GPR107: variants seen among roughly 807,000 people sequenced by gnomAD.
The protein encoded by GPR107 is protein GPR107.
Under a neutral mutation model 75.5 loss-of-function variants are expected in GPR107, and 31 were observed. That is an observed-to-expected ratio of 0.41 (90% CI 0.31 to 0.55). The LOEUF is 0.55. GPR107 is among the 20% of genes least tolerant of loss of function. GPR107 has a pLI of 0.26. For missense variants in GPR107, 572 were observed against 665.7 expected (o/e 0.86, Z 1.55); for synonymous variants, 267 against 251.3 (o/e 1.06, Z -0.59).
At chr9:130,054,934 T>G (rs1829714813) in intron 1 of GPR107, among the ~76,000 whole-genome samples, 1 of 151,904 alleles carries the variant, frequency 6.6e-6, no homozygotes, top group Non-Finnish European at 1.5e-5. Context: ...TACAAAAAAT[T>G]AAAAATTAAC....
intron 1 of GPR107, among the ~76,000 whole-genome samples, chr9:130,073,187 G>A (rs927440785): frequency 6.6e-6 from 1 of 152,136 alleles, no homozygotes; most frequent in Non-Finnish European, 1.5e-5. Context: ...GTTTTATGTG[G>A]CAGAAATTGT....
At chr9:130,102,429 C>A (rs1418055412) in intron 12 of GPR107, among the ~76,000 whole-genome samples, 12 of 152,214 alleles carry the variant, frequency 7.9e-5, no homozygotes, top group Admixed American at 7.9e-4. Context: ...TGGGGCATAG[C>A]CTTCCAGGAA....
At position 130,107,641 on chromosome 9, in the gene GPR107, T is replaced by A; in HGVS notation, c.1306+102T>A. The A allele has an allele frequency of 6.0e-6, 5 of 835,694 alleles. No individual in the cohort carries two copies. The South Asian group carries it at 6.6e-5, about 11-fold the overall frequency. The allele number at this position is 835,694 out of a possible 1,614,324, so 51.8% of individuals were successfully genotyped here. A position where few individuals can be genotyped will look rare whatever the true frequency, so the allele number is the denominator to read the frequency against. On this transcript the variant is annotated intron_variant, in intron 14 of 17. Transcript: ENST00000347136. ...GGCAGCCTATGGTGTCAAGATGCTG[T>A]CTTCCTGGGAGGAGAGCTAGGGGAG...
intron 14 of GPR107, among the ~76,000 whole-genome samples, chr9:130,116,197 G>A (rs949430819): frequency 6.6e-6 from 1 of 152,136 alleles, no homozygotes; most frequent in African/African-American, 2.4e-5. Flanking sequence ...TGGGAATCTA[G>A]AACTTCAGGG....
rs151011780 is a variant in GPR107, at chr9:130,105,569, A to C, written c.1262+1019A>C. ...ACCGCAGCTGGCTGAGGTGCTTCTT[A>C]TTGCAATGCCCCATCCAGTAAATTA... On this transcript the variant is annotated intron_variant, in intron 13 of 17. Coordinates refer to ENST00000347136, the MANE Select transcript of GPR107 (RefSeq NM_020960.5). 5.3e-3 allele frequency among the ~76,000 whole-genome samples: 798 copies of C among 150,034 alleles called. 7 individuals carry two copies. Among genetic ancestry groups the C allele is most frequent in the African/African-American group, 0.019 (762 of 40,842 alleles).
Position 130,053,989 on chromosome 9 carries a change from G to C in GPR107, c.57G>C (p.Ala19=), listed in dbSNP as rs994467318. The part of the protein sequence containing the change: ...SPASRGPRLA[A]GLRLLPMLGL... ...CCTCCCGCGGTCCTAGGCTGGCCGC[G>C]GGCCTCCGGCTGCTCCCAATGCTGG... The change falls in exon 1 of 18, where the codon GCG becomes GCC. Residue 19 remains alanine (A), a synonymous_variant. Coordinates refer to ENST00000347136, the MANE Select transcript of GPR107 (RefSeq NM_020960.5). 2 of 1,553,026 alleles carry C rather than the reference G, an allele frequency of 1.3e-6. No homozygotes were observed. Among genetic ancestry groups the C allele is most frequent in the African/African-American group, 2.7e-5 (2 of 73,240 alleles).
rs1204270335 is a variant in GPR107 at position 130,072,223 on chromosome 9, A to AT, written c.142-3398dup. ...ATTTATTTATTTTTTTATTTATTTA[A>AT]TTTTTTTTTTTTTTTGAGATGGAGT... On this transcript the variant is annotated intron_variant, in intron 1 of 17. Transcript: ENST00000347136. Among the ~76,000 whole-genome samples the AT allele has an allele frequency of 2.7e-3, 358 of 135,008 alleles. 5 individuals are homozygous for AT. The highest frequency in any genetic ancestry group is 0.026 in the East Asian group (124 of 4,706). 88.6% of individuals were successfully genotyped at this position (135,008 alleles called of 152,430 possible). A position where few individuals can be genotyped will look rare whatever the true frequency, so the allele number is the denominator to read the frequency against.
intron 13 of GPR107, among the ~76,000 whole-genome samples, 175 bp from the exon 14 acceptor site, chr9:130,107,321 G>C (rs548503672): frequency 6.6e-6 from 1 of 152,168 alleles, no homozygotes; most frequent in Non-Finnish European, 1.5e-5. Context: ...CCTCAGACGT[G>C]TTGATATCAA....
rs1588092584 is a variant in GPR107, at chr9:130,138,495, T to G, written c.*3374T>G. On this transcript the variant is annotated 3_prime_UTR_variant, in exon 18 of 18. Transcript: ENST00000347136. Reference sequence around the variant, plus strand: ...CTGCCCTCGCCCTTACCCCTCCCCCTTCCCCTTCCGCTCCTCCTCCCTCCT... The same window carrying G: ...CTGCCCTCGCCCTTACCCCTCCCCCGTCCCCTTCCGCTCCTCCTCCCTCCT... The G allele has an allele frequency of 1.2e-5, 1 of 81,748 alleles. No individual in the cohort carries two copies. Among genetic ancestry groups the G allele is most frequent in the South Asian group, 4.6e-4 (1 of 2,154 alleles). 5.1% of individuals were successfully genotyped at this position (81,748 alleles called of 1,614,324 possible). A position where few individuals can be genotyped will look rare whatever the true frequency, so the allele number is the denominator to read the frequency against.
At chr9:130,085,754 A>ATTTTTTGTTTTTTTTTTTTTTTTTTTT (rs1830598517) in intron 6 of GPR107, among the ~76,000 whole-genome samples, 4 of 78,674 alleles carry the variant, frequency 5.1e-5, no homozygotes, top group Non-Finnish European at 7.1e-5. Context: ...CAATATTTTG[A>ATTTTTTGTTTTTTTTTTTTTTTTTTTT]TTTTTTTTTT....
At chr9:130,114,562 T>A in intron 14 of GPR107, 1 of 442,336 alleles carries the variant, frequency 2.3e-6, no homozygotes, top group Non-Finnish European at 4.4e-6. Context: ...TTTAAAATTT[T>A]TTTTGTGGAG....
intron 12 of GPR107, among the ~76,000 whole-genome samples, chr9:130,102,396 C>G (rs867299203): frequency 2.0e-5 from 3 of 152,180 alleles, no homozygotes; most frequent in South Asian, 2.1e-4. Flanking sequence ...AGTCTCCCCC[C>G]ACCAGCCTGA....
chr9:130,082,474 CTTTTTTTTTTTTTTT>C (rs6151190), intron 5 of GPR107, among the ~76,000 whole-genome samples: 1 of 126,246 alleles, frequency 7.9e-6, no homozygotes, highest in Non-Finnish European at 1.7e-5. Flanking sequence ...AAAAGAATAT[CTTTTTTTTTTTTTTT>C]TTTTTTTTTA....
At chr9:130,104,636 G>A in intron 13 of GPR107, 86 bp downstream of exon 13, 2 of 1,095,444 alleles carry the variant, frequency 1.8e-6, no homozygotes, top group South Asian at 2.6e-5. Flanking sequence ...ACTGATCTCA[G>A]TCACATGGGA....
Position 130,135,282 on chromosome 9 carries a change from C to T in GPR107, c.*161C>T, listed in dbSNP as rs1554899788. ...AGTGCCGCGGAAACCTGATTTTGTA[C>T]TCTCTTTTATGGAAACGATCTGTGG... On this transcript the variant is annotated 3_prime_UTR_variant, in exon 18 of 18. Transcript: ENST00000347136. 50 of 530,496 alleles carry T rather than the reference C, an allele frequency of 9.4e-5. No individual in the cohort carries two copies. The highest frequency in any genetic ancestry group is 4.0e-5 in the Non-Finnish European group (12 of 302,234). 32.9% of individuals were successfully genotyped at this position (530,496 alleles called of 1,614,324 possible).
In GPR107 at chr9:130,100,859, C is replaced by T. The variant is rs1831011434; in HGVS notation, c.1013+157C>T. On this transcript the variant is annotated intron_variant, in intron 11 of 17. Transcript: ENST00000347136. ...GGAGTGTAGCTCATGGGTGGCTGTC[C>T]AGACTTGGGAAGTCGGGCTTAGTGG... is the stretch of plus-strand genomic sequence containing the variant. 2.0e-5 allele frequency among the ~76,000 whole-genome samples: 3 copies of T among 152,242 alleles called. No individual in the cohort carries two copies. In the South Asian group the frequency reaches 6.2e-4, roughly 32 times the overall value.
chr9:130,127,468 T>G lies in GPR107; in HGVS notation c.1357-15T>G, dbSNP rs111474592. 7.1e-7 allele frequency: 1 copy of G among 1,412,046 alleles called. No individual in the cohort carries two copies. Among genetic ancestry groups the G allele is most frequent in the African/African-American group, 1.4e-5 (1 of 71,090 alleles). The allele number at this position is 1,412,046 out of a possible 1,614,324, so 87.5% of individuals were successfully genotyped here. ...AATGTTGATCTGATTTCCTGTTTCT[T>G]TCCTCCTCATGCAGATTGTGTGTTA... On this transcript the variant is annotated splice_polypyrimidine_tract_variant and intron_variant, in intron 15 of 17. Coordinates refer to ENST00000347136, the MANE Select transcript of GPR107 (RefSeq NM_020960.5).
At chr9:130,116,694 C>G (rs1390658139) in intron 14 of GPR107, among the ~76,000 whole-genome samples, 1 of 152,026 alleles carries the variant, frequency 6.6e-6, no homozygotes, top group Non-Finnish European at 1.5e-5. Flanking sequence ...CATTATGGCT[C>G]TAGAATCGAA....
At chr9:130,068,010 G>C (rs1369313421) in intron 1 of GPR107, among the ~76,000 whole-genome samples, 3 of 151,322 alleles carry the variant, frequency 2.0e-5, no homozygotes, top group Non-Finnish European at 1.5e-5. Context: ...AAAGTGCTGG[G>C]ATTACAGGTG....
Sources: allele counts gnomAD v4.1 joint callset (sites outside exome capture counted in the v4.1 genomes callset), GRCh38; gene constraint gnomAD v4.1.1; transcripts MANE v1.5; gene names NCBI Gene and HGNC (gene_info 2026-07-23, HGNC 2026-07-21).